LRIG1: variants seen among roughly 807,000 people sequenced by gnomAD.
The protein encoded by LRIG1 is leucine-rich repeats and immunoglobulin-like domains protein 1.
Under a neutral mutation model 99.2 loss-of-function variants are expected in LRIG1, and 48 were observed. The observed-to-expected ratio is 0.48, with a 90% CI of 0.38 to 0.62. LRIG1 has a LOEUF of 0.62. Ranked by LOEUF, LRIG1 falls within the 20% of genes least tolerant of loss-of-function variation. The pLI is 0.00. For missense variants in LRIG1, 1,646 were observed against 1,434.4 expected, an observed-to-expected ratio of 1.15 and a Z score of -2.38; for synonymous variants, 772 against 596.1, an observed-to-expected ratio of 1.29 and a Z score of -4.30.
At chr3:66,380,985 T>C (rs1412647007) in intron 17 of LRIG1, 124 bp from the exon 18 acceptor site, 2 of 911,692 alleles carry the variant, frequency 2.2e-6, no homozygotes, top group African/African-American at 1.7e-5. Flanking sequence ...ACTGTATGCA[T>C]GCTTCCTCTT....
In LRIG1 at chr3:66,410,236, G is replaced by A. The variant is rs755885855; in HGVS notation, c.828C>T (p.Ser276=). Residue 276 remains serine, a synonymous_variant, in exon 7 of 19, where the codon AGC becomes AGT. Transcript: ENST00000273261. Reference sequence around the variant, plus strand: ...GGGCCGTGAGGCCGTAGAGCGAGCCGCTGTTCACTTCTACCAGGCTGTTGT... The same window carrying A: ...GGGCCGTGAGGCCGTAGAGCGAGCCACTGTTCACTTCTACCAGGCTGTTGT... ...LEYNSLVEVN[S]GSLYGLTALH... is the part of the protein sequence containing the mutation. 9.9e-6 allele frequency: 16 copies of A among 1,613,142 alleles called. No individual in the cohort carries two copies. The highest frequency in any genetic ancestry group is 5.0e-5 in the Admixed American group (3 of 59,836).
chr3:66,410,004 G>C, intron 7 of LRIG1, 125 bp downstream of exon 7: 1 of 1,003,338 alleles, frequency 1.0e-6, no homozygotes, highest in Middle Eastern at 3.1e-4. Context: ...TTTGGGAACA[G>C]GGCTACTGGC....
intron 3 of LRIG1, among the ~76,000 whole-genome samples, chr3:66,422,584 T>C (rs1702854463): frequency 6.6e-6 from 1 of 152,226 alleles, no homozygotes; most frequent in African/African-American, 2.4e-5. Context: ...ACTATCAGCA[T>C]TCTTGTCAAA....
chr3:66,425,328 C>T (rs1316842098), intron 3 of LRIG1, among the ~76,000 whole-genome samples: 1 of 152,234 alleles, frequency 6.6e-6, no homozygotes, highest in African/African-American at 2.4e-5. Flanking sequence ...TGGCCTCGGC[C>T]AGGTGGCCCA....
At chr3:66,428,685 G>C (rs748924452) in intron 3 of LRIG1, among the ~76,000 whole-genome samples, 22 of 152,310 alleles carry the variant, frequency 1.4e-4, no homozygotes, top group Non-Finnish European at 2.6e-4. Flanking sequence ...AATGACAGTT[G>C]AAACCATTTC....
intron 9 of LRIG1, chr3:66,404,351 G>A (rs571917423): frequency 3.7e-5 from 48 of 1,285,144 alleles, no homozygotes; most frequent in Middle Eastern, 4.3e-4. Context: ...AGCGGCAGCC[G>A]TCCTCTCTGT....
chr3:66,384,924 G>C (rs1366910726), intron 13 of LRIG1, among the ~76,000 whole-genome samples: 1 of 152,136 alleles, frequency 6.6e-6, no homozygotes, highest in Non-Finnish European at 1.5e-5. Context: ...ACAAACAGCT[G>C]AGTCTTTCGG....
At chr3:66,423,062 G>A (rs62245367) in intron 3 of LRIG1, among the ~76,000 whole-genome samples, 72,883 of 151,926 alleles carry the variant, frequency 0.48, 20,800 homozygotes, top group Non-Finnish European at 0.66. Flanking sequence ...CATGACACAT[G>A]GGAATTGTAG....
intron 1 of LRIG1, among the ~76,000 whole-genome samples, chr3:66,463,026 A>C (rs1700391005): frequency 6.6e-6 from 1 of 152,140 alleles, no homozygotes; most frequent in South Asian, 2.1e-4. Flanking sequence ...TGGTTGTCAC[A>C]ACTGGTGGCA....
chr3:66,497,237 A>G (rs966586379), intron 1 of LRIG1, among the ~76,000 whole-genome samples: 1 of 152,240 alleles, frequency 6.6e-6, no homozygotes, highest in Non-Finnish European at 1.5e-5. Context: ...TTCAGCTCTC[A>G]GGACATTTAA....
At chr3:66,423,485 T>G (rs955263968) in intron 3 of LRIG1, among the ~76,000 whole-genome samples, 2 of 152,088 alleles carry the variant, frequency 1.3e-5, no homozygotes, top group African/African-American at 4.8e-5. Flanking sequence ...GCAGGAGAAT[T>G]GCTTGAACCT....
At chr3:66,460,550 C>A (rs1209932899) in intron 2 of LRIG1, among the ~76,000 whole-genome samples, 2 of 152,184 alleles carry the variant, frequency 1.3e-5, no homozygotes, top group Non-Finnish European at 2.9e-5. Flanking sequence ...TCTGGACACA[C>A]ACAGAGACAC....
intron 3 of LRIG1, among the ~76,000 whole-genome samples, chr3:66,419,186 G>A (rs573250327): frequency 2.6e-4 from 40 of 152,234 alleles, no homozygotes; most frequent in Non-Finnish European, 5.4e-4. Flanking sequence ...AGGGGGTGAG[G>A]CCTTACATTG....
chr3:66,424,757 A>C (rs1472323721), intron 3 of LRIG1, among the ~76,000 whole-genome samples: 1 of 152,378 alleles, frequency 6.6e-6, no homozygotes, highest in East Asian at 1.9e-4. Flanking sequence ...TCTGGACTTC[A>C]CAATGGTGCA....
At chr3:66,496,605 A>T (rs943759653) in intron 1 of LRIG1, among the ~76,000 whole-genome samples, 4 of 152,180 alleles carry the variant, frequency 2.6e-5, no homozygotes, top group African/African-American at 9.7e-5. Context: ...CTGTGTTTAA[A>T]ATGCTCCCTA....
In LRIG1 at chr3:66,380,704, T is replaced by A. The variant is rs1559761863; in HGVS notation, c.2928A>T (p.Pro976=). 4.3e-6 allele frequency: 7 copies of A among 1,614,098 alleles called. No homozygotes were observed. In the South Asian group the frequency reaches 6.6e-5, roughly 15 times the overall value. The change falls in exon 18 of 19, where the codon CCA becomes CCT. Residue 976 remains proline (P), a synonymous_variant. Coordinates refer to ENST00000273261, the MANE Select transcript of LRIG1 (RefSeq NM_015541.3). ...CGGCAGTCCTGCTGCACTGGTGATGTGGAGAATGCTCTTGGTCACTCCCAC... is the reference window on the plus strand; with the variant it reads ...CGGCAGTCCTGCTGCACTGGTGATGAGGAGAATGCTCTTGGTCACTCCCAC... ...EPGGSDQEHS[P]HHQCSRTAAG...
chr3:66,442,470 G>A (rs962963224), intron 3 of LRIG1, among the ~76,000 whole-genome samples: 3 of 151,996 alleles, frequency 2.0e-5, no homozygotes, highest in African/African-American at 7.2e-5. Flanking sequence ...AGGAGGAGGA[G>A]GAGGAAATGG....
chr3:66,404,089 TGGAG>T, intron 9 of LRIG1: 1 of 401,462 alleles, frequency 2.5e-6, no homozygotes, highest in South Asian at 1.9e-5. Flanking sequence ...GACATGCTGC[TGGAG>T]TACAGGACGC....
At position 66,500,861 on chromosome 3, in the gene LRIG1, T is replaced by C. The variant is rs947212339; in HGVS notation, c.-454A>G. 6.6e-6 allele frequency: 1 copy of C among 151,776 alleles called. No homozygotes were observed. The highest frequency in any genetic ancestry group is 2.4e-5 in the African/African-American group (1 of 41,326). 9.4% of individuals were successfully genotyped at this position (151,776 alleles called of 1,614,324 possible). A position where few individuals can be genotyped will look rare whatever the true frequency, so the allele number is the denominator to read the frequency against. On this transcript the variant is annotated 5_prime_UTR_variant, in exon 1 of 19. Transcript: ENST00000273261. ...GAGCGCAAAGCCGTAGACCTCGGGC[T>C]GGACGGCGCGGCCGGCCCCGCGCTG...
Sources: gnomAD v4.1 joint callset for allele counts (sites outside exome capture counted in the v4.1 genomes callset) on GRCh38, gnomAD v4.1.1 for gene constraint, MANE v1.5 for transcripts, NCBI Gene and HGNC (gene_info 2026-07-23, HGNC 2026-07-21) for gene names.